The following TAF4B variants were observed in gnomAD, a reference collection of about 807,000 sequenced individuals.
TAF4B encodes the protein TATA-box binding protein associated factor 4b.
Under a neutral mutation model 86.4 loss-of-function variants are expected in TAF4B, and 38 were observed. The ratio of observed to expected loss-of-function variants is 0.44; its 90% confidence interval spans 0.34 to 0.58. TAF4B has a LOEUF of 0.58. Ranked by LOEUF, TAF4B falls within the 20% of genes least tolerant of loss-of-function variation. The pLI is 0.02. For missense variants in TAF4B, 988 were observed against 1,027.6 expected, an observed-to-expected ratio of 0.96 and a Z score of 0.53; for synonymous variants, 388 against 391.2, an observed-to-expected ratio of 0.99 and a Z score of 0.10.
At chr18:26,349,949 C>CAT (rs2057231113) in intron 13 of TAF4B, among the ~76,000 whole-genome samples, 1 of 152,132 alleles carries the variant, frequency 6.6e-6, no homozygotes, top group Non-Finnish European at 1.5e-5. Flanking sequence ...GTGCCAGGAA[C>CAT]ATATACCAGG....
Position 26,347,455 on chromosome 18 carries a change from A to G in TAF4B, c.2317-10235A>G, listed in dbSNP as rs1008593007. Among the ~76,000 whole-genome samples the G allele has an allele frequency of 2.6e-5, 4 of 152,212 alleles. No homozygotes were observed. In the East Asian group the frequency reaches 7.7e-4, roughly 29 times the overall value. ...AAAGAGAAATAGAAAGGAATCAAAC[A>G]AATTTTTCTTTACAGGAAAAGATCC... On this transcript the variant is annotated intron_variant, in intron 13 of 14. Transcript: ENST00000269142.
At chr18:26,343,929 G>A (rs2057155996) in intron 13 of TAF4B, among the ~76,000 whole-genome samples, 1 of 152,186 alleles carries the variant, frequency 6.6e-6, no homozygotes, top group African/African-American at 2.4e-5. Flanking sequence ...CCCATAGGAA[G>A]AGACAATCAA....
chr18:26,255,892 G>T, intron 1 of TAF4B: 4 of 1,244,000 alleles, frequency 3.2e-6, no homozygotes, highest in Non-Finnish European at 4.7e-6. Flanking sequence ...GAAACAACTG[G>T]TGTTCTGTTA....
At chr18:26,325,965 C>T (rs1257123432) in intron 11 of TAF4B, among the ~76,000 whole-genome samples, 1 of 152,124 alleles carries the variant, frequency 6.6e-6, no homozygotes, top group Non-Finnish European at 1.5e-5. Context: ...CCCTCAGTCA[C>T]AGTTAATTGA....
intron 1 of TAF4B, among the ~76,000 whole-genome samples, chr18:26,239,814 A>G (rs1598711859): frequency 6.6e-6 from 1 of 152,186 alleles, no homozygotes; most frequent in South Asian, 2.1e-4. Flanking sequence ...ATGGCTAGCC[A>G]GTTTTCCCAG....
intron 9 of TAF4B, among the ~76,000 whole-genome samples, chr18:26,312,082 T>G (rs569908331): frequency 2.6e-5 from 4 of 152,300 alleles, no homozygotes; most frequent in Admixed American, 6.5e-5. Flanking sequence ...AGTTTGTTTT[T>G]CTGAATATCT....
chr18:26,283,734 G>C (rs1342198696), intron 6 of TAF4B, among the ~76,000 whole-genome samples: 2 of 152,154 alleles, frequency 1.3e-5, no homozygotes, highest in Non-Finnish European at 2.9e-5. Context: ...TCCTCCAATA[G>C]AAGGTTGTTT....
chr18:26,304,364 A>T (rs773419876), intron 9 of TAF4B, among the ~76,000 whole-genome samples: 5 of 152,226 alleles, frequency 3.3e-5, no homozygotes, highest in Admixed American at 6.5e-5. Context: ...AATAGTATAA[A>T]GTATTTAAAA....
At chr18:26,319,870 G>A (rs1280106412) in intron 10 of TAF4B, among the ~76,000 whole-genome samples, 3 of 152,054 alleles carry the variant, frequency 2.0e-5, no homozygotes, top group East Asian at 3.9e-4. Context: ...AATTACAGGC[G>A]TGTGCCACCA....
In TAF4B at chr18:26,286,382, T is replaced by G. The variant is rs755441009; in HGVS notation, c.1473T>G (p.Ala491=). 3.7e-6 allele frequency: 6 copies of G among 1,614,242 alleles called. No individual in the cohort carries two copies. Among genetic ancestry groups the G allele is most frequent in the Non-Finnish European group, 5.1e-6 (6 of 1,180,032 alleles). The change falls in exon 7 of 15, where the codon GCT becomes GCG. Residue 491 remains alanine, a synonymous_variant. Transcript: ENST00000269142. The stretch of plus-strand genomic sequence containing the variant: ...CTGTGAAACCTGTTGTTTCTTCTGC[T>G]GGGACCACATCTGACAAGCCTGTTA... ...LPSVKPVVSS[A]GTTSDKPVIG...
intron 9 of TAF4B, among the ~76,000 whole-genome samples, chr18:26,301,007 A>G (rs1306182454): frequency 6.6e-6 from 1 of 151,960 alleles, no homozygotes; most frequent in Non-Finnish European, 1.5e-5. Flanking sequence ...AAAGACATAA[A>G]CTCACAAATT....
chr18:26,352,501 A>T (rs1407387124), intron 13 of TAF4B, among the ~76,000 whole-genome samples: 1 of 152,126 alleles, frequency 6.6e-6, no homozygotes, highest in Non-Finnish European at 1.5e-5. Context: ...GATCAACAAC[A>T]TCGAGAACTT....
At chr18:26,275,615 G>A (rs1231617353) in intron 5 of TAF4B, among the ~76,000 whole-genome samples, 1 of 152,116 alleles carries the variant, frequency 6.6e-6, no homozygotes, top group Non-Finnish European at 1.5e-5. Context: ...ACAACATGAT[G>A]TTTTGATATA....
intron 9 of TAF4B, among the ~76,000 whole-genome samples, chr18:26,304,384 G>A (rs944750551): frequency 1.1e-4 from 17 of 151,898 alleles, no homozygotes; most frequent in African/African-American, 3.9e-4. Context: ...AATAAAATAC[G>A]GAATCTCAAG....
At chr18:26,343,934 A>C (rs1344502118) in intron 13 of TAF4B, among the ~76,000 whole-genome samples, 4 of 152,226 alleles carry the variant, frequency 2.6e-5, no homozygotes, top group African/African-American at 9.6e-5. Flanking sequence ...AGGAAGAGAC[A>C]ATCAACAGAT....
rs775800865 is a variant in TAF4B, at chr18:26,327,161, T to C, written c.2259+21T>C. On this transcript the variant is annotated intron_variant, in intron 12 of 14. Coordinates refer to ENST00000269142, the MANE Select transcript of TAF4B (RefSeq NM_005640.3). ...CCAAGGTAAGGGCCAGTGTGATTTA[T>C]GAGTGAATGTGGCCTGGCAGTGTGG... The C allele has an allele frequency of 5.0e-6, 8 of 1,605,704 alleles. No homozygotes were observed. In the Admixed American group the frequency reaches 1.2e-4, roughly 23 times the overall value.
intron 14 of TAF4B, among the ~76,000 whole-genome samples, chr18:26,378,971 A>G (rs2057460518): frequency 6.6e-6 from 1 of 152,152 alleles, no homozygotes; most frequent in Non-Finnish European, 1.5e-5. Context: ...TTTGGCTAGT[A>G]TGGATAAAGG....
At chr18:26,258,056 C>A (rs773698276) in intron 1 of TAF4B, among the ~76,000 whole-genome samples, 4 of 151,876 alleles carry the variant, frequency 2.6e-5, no homozygotes, top group Admixed American at 6.6e-5. Flanking sequence ...GAGACTGAGA[C>A]CATCCTGGCC....
At chr18:26,251,798 A>G (rs2056010669) in intron 1 of TAF4B, among the ~76,000 whole-genome samples, 2 of 152,132 alleles carry the variant, frequency 1.3e-5, no homozygotes, top group South Asian at 2.1e-4. Context: ...TCTCATTGGC[A>G]TTGGGCCTTT....
Sources: gnomAD v4.1 joint callset for allele counts (sites outside exome capture counted in the v4.1 genomes callset) on GRCh38, gnomAD v4.1.1 for gene constraint, MANE v1.5 for transcripts, NCBI Gene and HGNC (gene_info 2026-07-23, HGNC 2026-07-21) for gene names.